Variants in DHRSX observed in about 807,000 individuals in gnomAD.
The protein encoded by DHRSX is polyprenol dehydrogenase.
In DHRSX, 31 loss-of-function variants were observed where a neutral mutation model predicts 34.0. That is an observed-to-expected ratio of 0.91 (90% CI 0.69 to 1.23). The LOEUF (loss-of-function observed/expected upper bound fraction) is 1.23. Among genes scored for constraint, DHRSX ranks in the 50% most tolerant of loss-of-function variants. The pLI is 0.00. For missense variants in DHRSX, 414 were observed against 428.1 expected (o/e 0.97, Z 0.29); for synonymous variants, 201 against 183.8 (o/e 1.09, Z -0.76).
intron 3 of DHRSX, among the ~76,000 whole-genome samples, chrX:2,321,038 AC>A (rs1569488413): frequency 6.6e-6 from 1 of 152,088 alleles, no homozygotes; most frequent in Non-Finnish European, 1.5e-5. Context: ...CTTCTGTGCC[AC>A]TTCAGCCGAA....
intron 5 of DHRSX, among the ~76,000 whole-genome samples, chrX:2,249,483 G>A (rs1008634560): frequency 5.8e-5 from 8 of 137,624 alleles, no homozygotes; most frequent in African/African-American, 1.9e-4. Flanking sequence ...CAGACGTGAT[G>A]TGAGCCACCA....
chrX:2,488,722 C>A (rs775129749), intron 1 of DHRSX: 4 of 1,613,976 alleles, frequency 2.5e-6, no homozygotes, highest in Admixed American at 1.7e-5. Flanking sequence ...CCAGGCCCCA[C>A]TCCCCCTCGT....
chrX:2,496,186 GTTTTTGTT>G (rs1178114984), intron 1 of DHRSX, among the ~76,000 whole-genome samples: 27 of 151,772 alleles, frequency 1.8e-4, no homozygotes, highest in East Asian at 9.7e-4. Context: ...TTTTATTTTT[GTTTTTGTT>G]TTTTTGTTTT....
At chrX:2,314,673 G>A (rs1335210000) in intron 3 of DHRSX, among the ~76,000 whole-genome samples, 6 of 151,866 alleles carry the variant, frequency 4.0e-5, no homozygotes, top group Non-Finnish European at 7.4e-5. Context: ...AGTAAGTTAC[G>A]ATATATAGGG....
chrX:2,487,489 C>G (rs2044973529), intron 1 of DHRSX: 1 of 152,232 alleles, frequency 6.6e-6, no homozygotes, highest in African/African-American at 2.4e-5. Flanking sequence ...CTCAGCCTCC[C>G]GAGTAGCTGG....
intron 1 of DHRSX, among the ~76,000 whole-genome samples, chrX:2,491,799 G>A (rs951942792): frequency 6.6e-6 from 1 of 152,196 alleles, no homozygotes; most frequent in African/African-American, 2.4e-5. Flanking sequence ...GCCCAACTGG[G>A]CAAATATCAC....
intron 1 of DHRSX, among the ~76,000 whole-genome samples, chrX:2,435,281 G>A (rs892760245): frequency 1.3e-5 from 2 of 152,072 alleles, no homozygotes; most frequent in East Asian, 1.9e-4. Flanking sequence ...AAACCCACAC[G>A]GATACGAGTA....
chrX:2,472,033 TA>T (rs2044600917), intron 1 of DHRSX, among the ~76,000 whole-genome samples: 1 of 151,352 alleles, frequency 6.6e-6, no homozygotes, highest in South Asian at 2.1e-4. Context: ...TAATCTCAGT[TA>T]CTCAGAAGGC....
intron 4 of DHRSX, among the ~76,000 whole-genome samples, chrX:2,285,208 GTAC>G (rs2041790873): frequency 2.6e-5 from 4 of 152,072 alleles, no homozygotes; most frequent in African/African-American, 9.7e-5. Flanking sequence ...TTATTACATT[GTAC>G]TATATAATGA....
At chrX:2,489,865 T>C in intron 1 of DHRSX, 1 of 1,613,760 alleles carries the variant, frequency 6.2e-7, no homozygotes, top group South Asian at 1.1e-5. Context: ...GCATGTGCAC[T>C]GCGACGTCCA....
At chrX:2,338,282 G>A (rs1228857217) in intron 3 of DHRSX, among the ~76,000 whole-genome samples, 2 of 151,668 alleles carry the variant, frequency 1.3e-5, no homozygotes, top group East Asian at 1.9e-4. Flanking sequence ...GCGGCGAGCC[G>A]AGACAGTGCC....
intron 3 of DHRSX, among the ~76,000 whole-genome samples, chrX:2,373,192 A>G (rs1326346022): frequency 6.6e-6 from 1 of 152,164 alleles, no homozygotes; most frequent in Non-Finnish European, 1.5e-5. Flanking sequence ...CGAGAACAGT[A>G]TGCGGGTCAC....
intron 3 of DHRSX, among the ~76,000 whole-genome samples, chrX:2,396,766 T>G (rs1427067069): frequency 3.6e-5 from 1 of 28,016 alleles, no homozygotes; most frequent in Non-Finnish European, 5.0e-5. Context: ...TGTGTCTCCC[T>G]TTTTTTTTTT....
At chrX:2,478,085 G>A (rs1332989457) in intron 1 of DHRSX, among the ~76,000 whole-genome samples, 2 of 152,222 alleles carry the variant, frequency 1.3e-5, no homozygotes, top group Non-Finnish European at 2.9e-5. Context: ...GGGAGCTGCA[G>A]TTCCAGAAAG....
intron 3 of DHRSX, among the ~76,000 whole-genome samples, chrX:2,366,381 G>A (rs181412233): frequency 0.047 from 7,192 of 151,720 alleles, 213 homozygotes; most frequent in African/African-American, 0.087. Flanking sequence ...TGGAGGCTAC[G>A]GTGAGCCGAG....
intron 5 of DHRSX, among the ~76,000 whole-genome samples, chrX:2,263,404 G>T (rs2041390088): frequency 6.6e-6 from 1 of 152,020 alleles, no homozygotes; most frequent in Non-Finnish European, 1.5e-5. Flanking sequence ...CAGGAAGCGG[G>T]TTCTCGCCAG....
At chrX:2,318,053 T>C (rs1285063063) in intron 3 of DHRSX, among the ~76,000 whole-genome samples, 1 of 152,000 alleles carries the variant, frequency 6.6e-6, no homozygotes, top group Non-Finnish European at 1.5e-5. Context: ...TGTCTGAAGA[T>C]AGTCCTGAAG....
At chrX:2,383,098 C>CAAT (rs2043232206) in intron 3 of DHRSX, among the ~76,000 whole-genome samples, 1 of 151,140 alleles carries the variant, frequency 6.6e-6, no homozygotes, top group Admixed American at 6.6e-5. Context: ...ACCACCATCA[C>CAAT]CATCATCATT....
chrX:2,233,986 T>A (rs1270691098), intron 6 of DHRSX, among the ~76,000 whole-genome samples: 2 of 152,142 alleles, frequency 1.3e-5, no homozygotes, highest in Non-Finnish European at 2.9e-5. Flanking sequence ...ATTAGAAAAA[T>A]GAGAGGCATA....
Sources: allele counts gnomAD v4.1 joint callset (sites outside exome capture counted in the v4.1 genomes callset), GRCh38; gene constraint gnomAD v4.1.1; transcripts MANE v1.5; gene names NCBI Gene and HGNC (gene_info 2026-07-23, HGNC 2026-07-21).